Variants in POC1B observed in about 807,000 individuals in gnomAD.
The protein encoded by POC1B is POC1 centriolar protein homolog B.
Under a neutral mutation model 60.6 loss-of-function variants are expected in POC1B, and 44 were observed. That is an observed-to-expected ratio of 0.73 (90% CI 0.57 to 0.93). POC1B has a LOEUF of 0.93. Among genes scored for constraint, POC1B ranks in the 40% least tolerant of loss-of-function variants. The probability of loss-of-function intolerance (pLI) is 0.00; values close to 1 mark genes in which losing one functional copy is unlikely to be tolerated. For missense variants in POC1B, 555 were observed against 572.3 expected, an observed-to-expected ratio of 0.97 and a Z score of 0.31; for synonymous variants, 180 against 198.9, an observed-to-expected ratio of 0.90 and a Z score of 0.80.
chr12:89,412,491 C>A, the POC1B span, among the ~76,000 whole-genome samples: 1 of 151,498 alleles, frequency 6.6e-6, no homozygotes, highest in Non-Finnish European at 1.5e-5. Context: ...CCAGCCTGGC[C>A]AACATGATAA....
intron 1 of POC1B, chr12:89,525,417 C>T: frequency 2.2e-6 from 3 of 1,384,394 alleles, no homozygotes; most frequent in South Asian, 3.3e-5. Flanking sequence ...CCCGCAGAGC[C>T]CGCAAAACGC....
chr12:89,496,794 C>G (rs989281504), intron 3 of POC1B, among the ~76,000 whole-genome samples: 4 of 151,768 alleles, frequency 2.6e-5, no homozygotes, highest in Admixed American at 6.6e-5. Context: ...ATCCAAGGGC[C>G]CTTGAAGGAT....
At chr12:89,441,328 C>T (rs969234216) in intron 10 of POC1B, among the ~76,000 whole-genome samples, 3 of 152,204 alleles carry the variant, frequency 2.0e-5, no homozygotes, top group Admixed American at 6.5e-5. Flanking sequence ...CAAGTGGGTC[C>T]CTGACCCCCG....
At chr12:89,501,383 C>T in intron 2 of POC1B, 1 of 1,024,604 alleles carries the variant, frequency 9.8e-7, no homozygotes, top group South Asian at 1.3e-5. Context: ...AAATTTATGG[C>T]TAAACCAGCT....
chr12:89,484,250 AAC>A (rs1328658379), intron 4 of POC1B, among the ~76,000 whole-genome samples: 1 of 152,242 alleles, frequency 6.6e-6, no homozygotes, highest in Non-Finnish European at 1.5e-5. Context: ...ATAAAGAGAA[AAC>A]AGTAAGATGG....
intron 10 of POC1B, chr12:89,429,182 TTATCA>T (rs1880915412): frequency 6.6e-6 from 1 of 152,176 alleles, no homozygotes; most frequent in African/African-American, 2.4e-5. Context: ...AAATATATTA[TTATCA>T]TATGACATAT....
intron 2 of POC1B, chr12:89,522,400 C>T: frequency 5.3e-6 from 2 of 380,636 alleles, no homozygotes; most frequent in Non-Finnish European, 9.3e-6. Flanking sequence ...ATAGCAATGG[C>T]TCAAACTGCA....
At chr12:89,523,977 G>A in intron 2 of POC1B, 2 of 1,613,872 alleles carry the variant, frequency 1.2e-6, no homozygotes, top group Non-Finnish European at 8.5e-7. Flanking sequence ...TATCAAGATT[G>A]CTGATGTAAG....
chr12:89,456,408 GC>G (rs1882262070), intron 10 of POC1B, among the ~76,000 whole-genome samples: 2 of 152,096 alleles, frequency 1.3e-5, no homozygotes, highest in African/African-American at 4.8e-5. Context: ...ATCCCGTGTA[GC>G]CACACCACAT....
chr12:89,408,259 A>G, the POC1B span, among the ~76,000 whole-genome samples: 1,077 of 152,320 alleles, frequency 7.1e-3, 9 homozygotes, highest in Non-Finnish European at 0.011. Flanking sequence ...TAGTGCTGCA[A>G]TAAACATATG....
At chr12:89,493,653 CAAAGA>C (rs1383614083) in intron 3 of POC1B, among the ~76,000 whole-genome samples, 2 of 152,144 alleles carry the variant, frequency 1.3e-5, no homozygotes, top group African/African-American at 4.8e-5. Flanking sequence ...CTAGAGAAAA[CAAAGA>C]AAAGAAAAGG....
rs1050227364 is a variant in POC1B at position 89,470,450 on chromosome 12, T to A, written c.721A>T (p.Asn241Tyr). The change falls in exon 7 of 12, where the codon AAC becomes TAC. Residue 241 changes from asparagine (N) to tyrosine (Y), a missense_variant. By Grantham distance (143) the Asn-to-Tyr change is moderately radical. Transcript: ENST00000313546. Reference protein sequence around the residue: ...VNCISFHPSGNYLITASSDGT... With the variant: ...VNCISFHPSGYYLITASSDGT... ...TCTGAAGAAGCTGTGATGAGATAGT[T>A]ACCCGAAGGATGGAATGATATGCAA... 2 of 1,608,130 alleles carry A rather than the reference T, an allele frequency of 1.2e-6. No homozygotes were observed. The highest frequency in any genetic ancestry group is 1.7e-6 in the Non-Finnish European group (2 of 1,175,632).
intron 10 of POC1B, among the ~76,000 whole-genome samples, chr12:89,444,587 G>A (rs144162362): frequency 0.016 from 2,448 of 152,228 alleles, 49 homozygotes; most frequent in Middle Eastern, 0.051. Flanking sequence ...AATAAACTAC[G>A]TATTGATGGG....
chr12:89,464,641 C>A (rs962079587), intron 9 of POC1B, among the ~76,000 whole-genome samples: 7 of 151,342 alleles, frequency 4.6e-5, no homozygotes, highest in Non-Finnish European at 1.5e-5. Context: ...GCACGCGCCA[C>A]CACACCCAGC....
intron 2 of POC1B, among the ~76,000 whole-genome samples, chr12:89,517,294 G>A (rs561329715): frequency 1.3e-5 from 2 of 152,160 alleles, no homozygotes; most frequent in South Asian, 2.1e-4. Context: ...AGTATTCCTT[G>A]ACCCCATAAA....
At chr12:89,511,013 C>A (rs904446533) in intron 2 of POC1B, among the ~76,000 whole-genome samples, 16 of 151,906 alleles carry the variant, frequency 1.1e-4, no homozygotes. Context: ...CTTCGGCCCC[C>A]CAAAGTGCTG....
At chr12:89,524,404 A>G (rs766060100) in intron 2 of POC1B, 25 of 1,613,978 alleles carry the variant, frequency 1.5e-5, no homozygotes, top group South Asian at 2.2e-5. Context: ...GAGGTCTGAG[A>G]GCCTTCTTGA....
intron 10 of POC1B, among the ~76,000 whole-genome samples, chr12:89,438,250 G>A (rs754505818): frequency 1.6e-4 from 24 of 152,126 alleles, no homozygotes; most frequent in Non-Finnish European, 3.2e-4. Flanking sequence ...GAGGTCAGAA[G>A]ATCGAGACCA....
intron 4 of POC1B, among the ~76,000 whole-genome samples, chr12:89,473,579 T>C (rs1287378924): frequency 6.9e-6 from 1 of 145,536 alleles, no homozygotes. Context: ...GAAAACCACC[T>C]GAACCCAGGA....
Sources: gnomAD v4.1 joint callset for allele counts (sites outside exome capture counted in the v4.1 genomes callset) on GRCh38, gnomAD v4.1.1 for gene constraint, MANE v1.5 for transcripts, NCBI Gene and HGNC (gene_info 2026-07-23, HGNC 2026-07-21) for gene names.